SAMHD1: variants seen among roughly 807,000 people sequenced by gnomAD.
SAMHD1 encodes the protein deoxynucleoside triphosphate triphosphohydrolase SAMHD1.
SAMHD1 carries 54 observed loss-of-function variants against 79.6 expected under a neutral mutation model. That is an observed-to-expected ratio of 0.68 (90% CI 0.55 to 0.85). The LOEUF (loss-of-function observed/expected upper bound fraction) is 0.85, where lower values mean the gene tolerates loss of function less well. Among genes scored for constraint, SAMHD1 ranks in the 40% least tolerant of loss-of-function variants. SAMHD1 has a pLI of 0.00. For missense variants in SAMHD1, 663 were observed against 782.7 expected, an observed-to-expected ratio of 0.85 and a Z score of 1.82; for synonymous variants, 260 against 264.1, an observed-to-expected ratio of 0.98 and a Z score of 0.15.
At chr20:36,904,041 C>CAG (rs2148359591) in intron 13 of SAMHD1, 116 bp downstream of exon 13, 2 of 154,678 alleles carry the variant, frequency 1.3e-5, no homozygotes, top group Non-Finnish European at 2.8e-5. Flanking sequence ...TGTGAGGGCA[C>CAG]ATCATCTTTC....
chr20:36,926,147 AT>A (rs1390030533), intron 6 of SAMHD1, among the ~76,000 whole-genome samples: 3 of 152,138 alleles, frequency 2.0e-5, no homozygotes, highest in African/African-American at 7.2e-5. Flanking sequence ...CGACAACCTT[AT>A]TTATAACAAC....
chr20:36,928,915 G>A (rs947817325), intron 5 of SAMHD1, among the ~76,000 whole-genome samples: 1 of 151,724 alleles, frequency 6.6e-6, no homozygotes, highest in Non-Finnish European at 1.5e-5. Context: ...TAATTAGCTG[G>A]GCATGGTGGC....
rs149467815 is a variant in SAMHD1 at position 36,902,223 on chromosome 20, C to T, written c.1503+1934G>A. Among the ~76,000 whole-genome samples, 581 of 152,166 alleles carry T rather than the reference C, an allele frequency of 3.8e-3. 5 individuals are homozygous for T. Among genetic ancestry groups the T allele is most frequent in the African/African-American group, 0.014 (561 of 41,502 alleles). The stretch of plus-strand genomic sequence containing the variant: ...TGAGATGAGGGTCTTGCTCTGTTGC[C>T]CAGGCTGGAGAGCAGTGGCATGATC... On this transcript the variant is annotated intron_variant, in intron 13 of 15. Transcript: ENST00000646673.
chr20:36,914,108 A>G (rs1015181402), intron 9 of SAMHD1, among the ~76,000 whole-genome samples: 3 of 151,922 alleles, frequency 2.0e-5, no homozygotes, highest in African/African-American at 7.3e-5. Flanking sequence ...CATGACTGCC[A>G]TCTAACAGGG....
At chr20:36,935,867 G>A (rs1000557220) in intron 3 of SAMHD1, among the ~76,000 whole-genome samples, 1 of 151,800 alleles carries the variant, frequency 6.6e-6, no homozygotes. Flanking sequence ...CACCGTGCCC[G>A]GCCTAAATTT....
chr20:36,928,305 C>T (rs940893041), intron 5 of SAMHD1, among the ~76,000 whole-genome samples: 4 of 151,936 alleles, frequency 2.6e-5, no homozygotes, highest in Middle Eastern at 3.2e-3. Context: ...AGGAGAATGG[C>T]GTGAACCTGG....
In SAMHD1 at chr20:36,936,389, T is replaced by C. The variant is rs1403134071; in HGVS notation, c.349-1200A>G. On this transcript the variant is annotated intron_variant, in intron 3 of 15. Coordinates refer to ENST00000646673, the MANE Select transcript of SAMHD1 (RefSeq NM_015474.4). ...CGTTGGCTATTCACAGGCACAATCATAGCTTACTGTAGCCTCAAACTCCTA... is the reference window on the plus strand; with the variant it reads ...CGTTGGCTATTCACAGGCACAATCACAGCTTACTGTAGCCTCAAACTCCTA... 2.6e-5 allele frequency among the ~76,000 whole-genome samples: 4 copies of C among 152,104 alleles called. No individual in the cohort carries two copies. The South Asian group carries it at 6.2e-4, about 24-fold the overall frequency.
intron 3 of SAMHD1, among the ~76,000 whole-genome samples, chr20:36,935,968 C>G (rs1023289057): frequency 4.6e-5 from 7 of 152,014 alleles, no homozygotes; most frequent in African/African-American, 1.4e-4. Context: ...GGAAATTCCT[C>G]TACCATATAG....
At chr20:36,950,141 T>C (rs1333775136) in intron 1 of SAMHD1, among the ~76,000 whole-genome samples, 1 of 152,086 alleles carries the variant, frequency 6.6e-6, no homozygotes, top group Non-Finnish European at 1.5e-5. Context: ...TAGCAATAGG[T>C]TGTAGGTTTA....
At position 36,893,873 on chromosome 20, in the gene SAMHD1, C is replaced by T. The variant is rs190561293; in HGVS notation, c.1747-807G>A. On this transcript the variant is annotated intron_variant, in intron 15 of 15. Transcript: ENST00000646673. ...TACTCCGGTAAATTACATTTCTCAG[C>T]TCCCATGCCTGTTGGTTTCCAGTTA... The T allele has an allele frequency of 1.0e-5, 4 of 398,660 alleles. No homozygotes were observed. The East Asian group carries it at 1.1e-4, about 11-fold the overall frequency. 24.7% of individuals were successfully genotyped at this position (398,660 alleles called of 1,614,324 possible).
chr20:36,918,697 G>A (rs1601131630), intron 7 of SAMHD1, among the ~76,000 whole-genome samples: 1 of 150,966 alleles, frequency 6.6e-6, no homozygotes, highest in South Asian at 2.1e-4. Context: ...AGCTACTCAG[G>A]AGGCTGAAGC....
At chr20:36,931,987 A>G (rs1364518869) in intron 4 of SAMHD1, among the ~76,000 whole-genome samples, 1 of 151,758 alleles carries the variant, frequency 6.6e-6, no homozygotes, top group East Asian at 1.9e-4. Flanking sequence ...ATTCATAAAC[A>G]AAAAAAAGAG....
intron 6 of SAMHD1, among the ~76,000 whole-genome samples, chr20:36,923,996 T>C (rs1007041683): frequency 6.6e-6 from 1 of 152,064 alleles, no homozygotes; most frequent in Non-Finnish European, 1.5e-5. Flanking sequence ...AGGCCTGTAA[T>C]CTCAGCACTT....
At chr20:36,948,526 T>C (rs1336637495) in intron 1 of SAMHD1, among the ~76,000 whole-genome samples, 1 of 151,798 alleles carries the variant, frequency 6.6e-6, no homozygotes, top group Non-Finnish European at 1.5e-5. Context: ...GTGCTGGGAT[T>C]ACAGGCGTGA....
intron 1 of SAMHD1, among the ~76,000 whole-genome samples, chr20:36,949,158 G>T (rs969432787): frequency 1.3e-5 from 2 of 151,878 alleles, no homozygotes; most frequent in African/African-American, 2.4e-5. Flanking sequence ...CAGCAACTAG[G>T]GAGGCTGAGG....
intron 13 of SAMHD1, among the ~76,000 whole-genome samples, chr20:36,899,978 C>T (rs907006047): frequency 6.6e-6 from 1 of 151,334 alleles, no homozygotes; most frequent in Non-Finnish European, 1.5e-5. Flanking sequence ...CCTGTAGTCC[C>T]GGCTACTCAG....
rs368233437 is a variant in SAMHD1, at chr20:36,951,682, G to T, written c.-39C>A. The T allele has an allele frequency of 4.3e-4, 695 of 1,610,402 alleles. No homozygotes were observed. The Middle Eastern group carries it at 5.5e-3, about 13-fold the overall frequency. ...GTCCGGCACAGCAGTCAAGAACCTC[G>T]GCGCCGGACCCGCGCGCAGGCGCAC... On this transcript the variant is annotated 5_prime_UTR_variant, in exon 1 of 16. Transcript: ENST00000646673.
chr20:36,912,409 T>C, intron 10 of SAMHD1, 52 bp downstream of exon 10: 1 of 1,111,414 alleles, frequency 9.0e-7, no homozygotes. Flanking sequence ...TATGATACTC[T>C]AGCCAAGTAT....
chr20:36,927,003 ACAGAC>A (rs1192922480), intron 6 of SAMHD1, 174 bp downstream of exon 6: 1 of 583,634 alleles, frequency 1.7e-6, no homozygotes. Context: ...TAACTTCCTT[ACAGAC>A]TACTGTGAGA....
Sources: gnomAD v4.1 joint callset for allele counts (sites outside exome capture counted in the v4.1 genomes callset) on GRCh38, gnomAD v4.1.1 for gene constraint, MANE v1.5 for transcripts, NCBI Gene and HGNC (gene_info 2026-07-23, HGNC 2026-07-21) for gene names.